Variants in TXLNA observed in about 807,000 individuals in gnomAD.
TXLNA encodes taxilin alpha, also known as alpha-taxilin.
In TXLNA, 9 loss-of-function variants were observed where a neutral mutation model predicts 61.4. The ratio of observed to expected loss-of-function variants is 0.15; its 90% CI spans 0.09 to 0.26. The LOEUF (loss-of-function observed/expected upper bound fraction) is 0.26, where lower values mean the gene tolerates loss of function less well. TXLNA is among the 10% of genes least tolerant of loss of function. The pLI is 1.00. For missense variants in TXLNA, 565 were observed against 688.8 expected (o/e 0.82, Z 2.01); for synonymous variants, 257 against 267.7 (o/e 0.96, Z 0.39).
chr1:32,189,925 A>T, intron 5 of TXLNA, 130 bp from the exon 6 acceptor site: 2 of 927,268 alleles, frequency 2.2e-6, no homozygotes, highest in Non-Finnish European at 3.3e-6. Context: ...ATTGCACAAC[A>T]TCCTGGAGTC....
rs1003398158 is a variant in TXLNA at position 32,196,379 on chromosome 1, T to G, written c.*1184T>G. Reference sequence around the variant, plus strand: ...TGCAATCCTCAAGATTTGTCCTGATTCTATTTCCTGGCACCTCCCTGCCTG... The same window carrying G: ...TGCAATCCTCAAGATTTGTCCTGATGCTATTTCCTGGCACCTCCCTGCCTG... On this transcript the variant is annotated 3_prime_UTR_variant, in exon 11 of 11. Transcript: ENST00000373610. 19 of 152,288 alleles carry G rather than the reference T, an allele frequency of 1.2e-4. No homozygotes were observed. Among genetic ancestry groups the G allele is most frequent in the Admixed American group, 1.0e-3 (16 of 15,276 alleles). The allele number at this position is 152,288 out of a possible 1,614,324, so 9.4% of individuals were successfully genotyped here. A position where few individuals can be genotyped will look rare whatever the true frequency, so the allele number is the denominator to read the frequency against.
chr1:32,182,506 AC>A lies in TXLNA; in HGVS notation c.505+930del, dbSNP rs202213990. ...ATGAAATCCCGTCTCTACTAAAAAT[AC>A]AAAAATTAGCTGGACATGCTGGCAC... is the stretch of plus-strand genomic sequence containing the variant. On this transcript the variant is annotated intron_variant, in intron 3 of 10. Coordinates refer to ENST00000373610, the MANE Select transcript of TXLNA (RefSeq NM_175852.4). Among the ~76,000 whole-genome samples, 1,254 of 152,076 alleles carry A rather than the reference AC, an allele frequency of 8.2e-3. 27 individuals are homozygous for A. Among genetic ancestry groups the A allele is most frequent in the African/African-American group, 0.028 (1,175 of 41,460 alleles).
rs1375069830 is a variant in TXLNA, at chr1:32,194,989, A to G, written c.1435A>G (p.Asn479Asp). 1 of 1,614,086 alleles carries G rather than the reference A, an allele frequency of 6.2e-7. No individual in the cohort carries two copies. Residue 479 changes from asparagine (N) to aspartate (D), a missense_variant, in exon 11 of 11, where the codon AAT becomes GAT. Asn to Asp is a conservative substitution (Grantham distance 23). Transcript: ENST00000373610. Reference sequence around the variant, plus strand: ...GTGCCGGGCACTGCAGACAGAGCGCAATGACCTGAACAAGAGGGTACAGGA... The same window carrying G: ...GTGCCGGGCACTGCAGACAGAGCGCGATGACCTGAACAAGAGGGTACAGGA... ...KLCRALQTER[N>D]DLNKRVQDLS... is the part of the protein sequence containing the mutation.
At position 32,195,095 on chromosome 1, in the gene TXLNA, G is replaced by C. The variant is rs1642989054; in HGVS notation, c.1541G>C (p.Ser514Thr). 7 of 1,614,150 alleles carry C rather than the reference G, an allele frequency of 4.3e-6. No homozygotes were observed. The highest frequency in any genetic ancestry group is 5.9e-6 in the Non-Finnish European group (7 of 1,180,004). ...RPEGPGAQAP[S>T]SPRVTEAPCY... ...GAGGGGCCTGGGGCTCAAGCACCCAGCTCCCCCAGGGTCACAGAAGCGCCT... is the reference window on the plus strand; with the variant it reads ...GAGGGGCCTGGGGCTCAAGCACCCACCTCCCCCAGGGTCACAGAAGCGCCT... The change falls in exon 11 of 11, where the codon AGC (serine) becomes ACC (threonine). Residue 514 changes from serine to threonine, a missense_variant. This residue lies in a region of TXLNA where 373 missense variants were observed against 504.0 expected (regional missense o/e 0.74). Coordinates refer to ENST00000373610, the MANE Select transcript of TXLNA (RefSeq NM_175852.4).
chr1:32,191,840 C>T (rs1642913961), intron 6 of TXLNA, among the ~76,000 whole-genome samples: 1 of 152,258 alleles, frequency 6.6e-6, no homozygotes, highest in South Asian at 2.1e-4. Flanking sequence ...CTGCAGCGCT[C>T]CTCTAGTAGG....
rs1643067863 is a variant in TXLNA at position 32,198,282 on chromosome 1, C to A, written c.*3087C>A. ...CCACATTAAATAAAGAGTCTGTTGC[C>A]TTACTTGTTTCTCTCCTGACCTGTG... On this transcript the variant is annotated 3_prime_UTR_variant, in exon 11 of 11. Coordinates refer to ENST00000373610, the MANE Select transcript of TXLNA (RefSeq NM_175852.4). The A allele has an allele frequency of 6.6e-6, 1 of 152,298 alleles. No individual in the cohort carries two copies. Among genetic ancestry groups the A allele is most frequent in the South Asian group, 2.1e-4 (1 of 4,834 alleles). The allele number at this position is 152,298 out of a possible 1,614,324, so 9.4% of individuals were successfully genotyped here.
intron 1 of TXLNA, 34 bp from the exon 2 acceptor site, chr1:32,180,280 G>A (rs572867209): frequency 1.3e-6 from 2 of 1,516,044 alleles, no homozygotes; most frequent in Middle Eastern, 1.8e-4. Flanking sequence ...GAATTTCGAA[G>A]TCTGGAAAAT....
In TXLNA at chr1:32,196,815, T is replaced by A. The variant is rs1274485273; in HGVS notation, c.*1620T>A. 3 of 152,256 alleles carry A rather than the reference T, an allele frequency of 2.0e-5. No homozygotes were observed. Among genetic ancestry groups the A allele is most frequent in the Non-Finnish European group, 2.9e-5 (2 of 68,056 alleles). 9.4% of individuals were successfully genotyped at this position (152,256 alleles called of 1,614,324 possible). A position where few individuals can be genotyped will look rare whatever the true frequency, so the allele number is the denominator to read the frequency against. ...CCTTAAATCTCTCAGATAAGTTGGT[T>A]CACAAAGAATGTTAAGTACTGAATC... is the stretch of plus-strand genomic sequence containing the variant. On this transcript the variant is annotated 3_prime_UTR_variant, in exon 11 of 11. Coordinates refer to ENST00000373610, the MANE Select transcript of TXLNA (RefSeq NM_175852.4).
At position 32,197,644 on chromosome 1, in the gene TXLNA, G is replaced by T. The variant is rs1015281368; in HGVS notation, c.*2449G>T. 2 of 152,272 alleles carry T rather than the reference G, an allele frequency of 1.3e-5. No individual in the cohort carries two copies. Among genetic ancestry groups the T allele is most frequent in the African/African-American group, 4.8e-5 (2 of 41,450 alleles). 9.4% of individuals were successfully genotyped at this position (152,272 alleles called of 1,614,324 possible). On this transcript the variant is annotated 3_prime_UTR_variant, in exon 11 of 11. Coordinates refer to ENST00000373610, the MANE Select transcript of TXLNA (RefSeq NM_175852.4). The surrounding 1 kb of genome is among the most constrained non-coding windows in gnomAD (Gnocchi z 4.6). ...GGTGGGTCCCACACTTGTGACCTCA[G>T]TTTTAGGACCAAGATCTGTGTTGGT...
chr1:32,195,452 G>A lies in TXLNA; in HGVS notation c.*257G>A, dbSNP rs1484518452. The A allele has an allele frequency of 7.0e-6, 4 of 568,574 alleles. No individual in the cohort carries two copies. The highest frequency in any genetic ancestry group is 2.9e-5 in the East Asian group (1 of 34,364). 35.2% of individuals were successfully genotyped at this position (568,574 alleles called of 1,614,324 possible). On this transcript the variant is annotated 3_prime_UTR_variant, in exon 11 of 11. Transcript: ENST00000373610. ...ATGGGGGTGTGTACAGATGAAGTCA[G>A]TGGCTTGTCTGTGAGCTGAAGAGTC... is the stretch of plus-strand genomic sequence containing the variant.
intron 4 of TXLNA, 118 bp from the exon 5 acceptor site, chr1:32,187,836 T>C: frequency 1.8e-6 from 2 of 1,137,120 alleles, no homozygotes; most frequent in Non-Finnish European, 2.5e-6. Flanking sequence ...ATGAGAGTGC[T>C]CCTGGCCTGA....
intron 4 of TXLNA, among the ~76,000 whole-genome samples, chr1:32,185,011 A>G (rs1642750339): frequency 6.6e-6 from 1 of 152,174 alleles, no homozygotes; most frequent in Non-Finnish European, 1.5e-5. Context: ...CTGCCTCCTC[A>G]TATTCCCCAT....
chr1:32,195,006 G>T lies in TXLNA; in HGVS notation c.1452G>T (p.Arg484Ser). 1 of 1,614,174 alleles carries T rather than the reference G, an allele frequency of 6.2e-7. No individual in the cohort carries two copies. The highest frequency in any genetic ancestry group is 8.5e-7 in the Non-Finnish European group (1 of 1,180,002). Residue 484 changes from arginine to serine, a missense_variant, in exon 11 of 11, where the codon AGG becomes AGT. Coordinates refer to ENST00000373610, the MANE Select transcript of TXLNA (RefSeq NM_175852.4). ...LQTERNDLNK[R>S]VQDLSAGGQG... ...CAGAGCGCAATGACCTGAACAAGAG[G>T]GTACAGGACCTGAGTGCTGGTGGCC...
intron 1 of TXLNA, chr1:32,180,109 C>A (rs1281418918): frequency 4.1e-6 from 2 of 487,196 alleles, no homozygotes. Flanking sequence ...TTCCCTCACC[C>A]GCTGTGGGAG....
chr1:32,185,302 A>T (rs1642756813), intron 4 of TXLNA, among the ~76,000 whole-genome samples: 1 of 152,164 alleles, frequency 6.6e-6, no homozygotes, highest in Admixed American at 6.5e-5. Context: ...TTCCATCATC[A>T]GGTCCCTTGT....
At chr1:32,191,568 A>G in intron 6 of TXLNA, among the ~76,000 whole-genome samples, 1 of 152,132 alleles carries the variant, frequency 6.6e-6, no homozygotes. Flanking sequence ...CCGCCAAGGC[A>G]AAAAAGGACT....
At chr1:32,194,198 G>A in intron 10 of TXLNA, 38 bp downstream of exon 10, 1 of 1,537,546 alleles carries the variant, frequency 6.5e-7, no homozygotes, top group Non-Finnish European at 9.0e-7. Context: ...GTGGGGGTGT[G>A]CACTTAGCGC....
At chr1:32,180,195 G>A in intron 1 of TXLNA, 119 bp from the exon 2 acceptor site, 2 of 1,120,410 alleles carry the variant, frequency 1.8e-6, no homozygotes. Flanking sequence ...GGCGCCCTCC[G>A]CCCGGGCCTG....
intron 4 of TXLNA, among the ~76,000 whole-genome samples, chr1:32,185,360 A>G (rs186879502): frequency 2.1e-4 from 30 of 144,374 alleles, no homozygotes; most frequent in African/African-American, 6.8e-4. Flanking sequence ...CAGCCTGTGT[A>G]TGTATGTATG....
Sources: allele counts gnomAD v4.1 joint callset (sites outside exome capture counted in the v4.1 genomes callset), GRCh38; gene constraint gnomAD v4.1.1; regional missense constraint gnomAD v4.1.1; non-coding constraint Gnocchi (gnomAD v3.1); transcripts MANE v1.5; gene names NCBI Gene and HGNC (gene_info 2026-07-23, HGNC 2026-07-21).